The following ERC1 variants were observed in gnomAD, a reference collection of about 807,000 sequenced individuals.
ERC1 encodes ELKS/RAB6-interacting/CAST family member 1, also known as RAB6 interacting protein 2.
A neutral mutation model predicts 132.0 loss-of-function variants in ERC1; 56 were observed. The observed-to-expected ratio is 0.42, with a 90% CI of 0.34 to 0.53. ERC1 has a LOEUF of 0.53. ERC1 is among the 20% of genes least tolerant of loss of function. The pLI is 0.03. For synonymous variants in ERC1, 478 were observed against 476.1 expected (o/e 1.00, Z -0.05); for missense variants, 1,202 against 1,349.9 (o/e 0.89, Z 1.72).
At chr12:1,393,187 C>T (rs1364814770) in intron 16 of ERC1, among the ~76,000 whole-genome samples, 2 of 152,154 alleles carry the variant, frequency 1.3e-5, no homozygotes, top group Admixed American at 1.3e-4. Context: ...ATGTATGGAC[C>T]ATGATTTTGT....
intron 15 of ERC1, among the ~76,000 whole-genome samples, chr12:1,355,397 T>A (rs915883589): frequency 1.6e-4 from 25 of 152,180 alleles, no homozygotes; most frequent in African/African-American, 5.3e-4. Context: ...TGACCATGAG[T>A]GGCAGTAGCT....
intron 16 of ERC1, among the ~76,000 whole-genome samples, chr12:1,394,412 A>G (rs1220338445): frequency 6.6e-6 from 1 of 152,186 alleles, no homozygotes; most frequent in Non-Finnish European, 1.5e-5. Context: ...ACAAAAAAAG[A>G]AAAAAGAAAT....
chr12:1,101,785 G>GT (rs1944692666), intron 3 of ERC1, among the ~76,000 whole-genome samples: 1 of 152,184 alleles, frequency 6.6e-6, no homozygotes, highest in African/African-American at 2.4e-5. Context: ...AAAGGTAATA[G>GT]TTGAAACCAT....
chr12:1,175,402 C>T (rs955935040), intron 8 of ERC1, among the ~76,000 whole-genome samples: 6 of 151,590 alleles, frequency 4.0e-5, no homozygotes, highest in Admixed American at 6.6e-5. Context: ...TATTAATATT[C>T]TACATATTTT....
intron 15 of ERC1, among the ~76,000 whole-genome samples, chr12:1,370,655 C>A (rs1310603615): frequency 1.3e-5 from 2 of 152,172 alleles, no homozygotes; most frequent in African/African-American, 2.4e-5. Context: ...ACTATAGGAA[C>A]TCTTTTTAAA....
At chr12:1,258,644 TAAATCTTCA>T (rs767171823) in intron 13 of ERC1, among the ~76,000 whole-genome samples, 6 of 152,248 alleles carry the variant, frequency 3.9e-5, no homozygotes, top group Non-Finnish European at 8.8e-5. Context: ...TAGAGATTTT[TAAATCTTCA>T]GAATCTTCAG....
intron 18 of ERC1, among the ~76,000 whole-genome samples, chr12:1,451,529 G>C (rs1171195382): frequency 6.6e-6 from 1 of 152,164 alleles, no homozygotes; most frequent in Non-Finnish European, 1.5e-5. Context: ...GGAGGCCCAG[G>C]TGGGAGGATC....
At chr12:1,070,893 T>C (rs1940222110) in intron 2 of ERC1, among the ~76,000 whole-genome samples, 1 of 152,238 alleles carries the variant, frequency 6.6e-6, no homozygotes. Flanking sequence ...GGTAGTGTTC[T>C]GATTCCTTTC....
intron 12 of ERC1, among the ~76,000 whole-genome samples, chr12:1,202,127 C>T (rs1956968393): frequency 6.6e-6 from 1 of 152,118 alleles, no homozygotes; most frequent in South Asian, 2.1e-4. Flanking sequence ...CTTCTTCCTC[C>T]TTGATGAATA....
chr12:1,084,866 A>G (rs1942763203), intron 3 of ERC1, among the ~76,000 whole-genome samples: 1 of 151,884 alleles, frequency 6.6e-6, no homozygotes, highest in African/African-American at 2.4e-5. Flanking sequence ...TAATTTTTAA[A>G]TTAAAAAAAA....
intron 16 of ERC1, among the ~76,000 whole-genome samples, chr12:1,404,781 C>T (rs1004268783): frequency 3.3e-5 from 5 of 152,156 alleles, no homozygotes; most frequent in African/African-American, 1.2e-4. Flanking sequence ...CACCCTCTGA[C>T]CTAATCATCT....
chr12:1,175,600 C>G (rs1953617401), intron 8 of ERC1, among the ~76,000 whole-genome samples: 1 of 149,796 alleles, frequency 6.7e-6, no homozygotes, highest in African/African-American at 2.5e-5. Context: ...ATGGCGTGAT[C>G]TTGGTTCACT....
intron 18 of ERC1, among the ~76,000 whole-genome samples, chr12:1,483,805 T>G (rs1482115595): frequency 6.6e-6 from 1 of 150,628 alleles, no homozygotes; most frequent in Non-Finnish European, 1.5e-5. Context: ...TTCTTGTGCC[T>G]TAGCCTCCCG....
chr12:1,121,276 G>A (rs1947054162), intron 7 of ERC1, among the ~76,000 whole-genome samples: 1 of 152,186 alleles, frequency 6.6e-6, no homozygotes, highest in Admixed American at 6.5e-5. Flanking sequence ...AGAGAATATA[G>A]TGACATGCTG....
intron 16 of ERC1, among the ~76,000 whole-genome samples, chr12:1,396,106 A>G (rs1019362895): frequency 2.0e-5 from 3 of 152,228 alleles, no homozygotes; most frequent in Non-Finnish European, 4.4e-5. Flanking sequence ...TAGTGTAAGG[A>G]ACAGAAATTG....
intron 12 of ERC1, among the ~76,000 whole-genome samples, chr12:1,198,785 C>G (rs972116348): frequency 6.6e-5 from 10 of 151,658 alleles, no homozygotes; most frequent in African/African-American, 2.4e-4. Flanking sequence ...GAGAGAGAGC[C>G]AGCAAAGGGG....
intron 15 of ERC1, among the ~76,000 whole-genome samples, chr12:1,304,890 C>T (rs996310697): frequency 6.9e-5 from 10 of 144,054 alleles, no homozygotes; most frequent in South Asian, 4.5e-4. Flanking sequence ...CCCGGGTTGA[C>T]GCCATTCTCC....
At chr12:1,033,416 C>T (rs1479529117) in intron 2 of ERC1, among the ~76,000 whole-genome samples, 2 of 152,064 alleles carry the variant, frequency 1.3e-5, no homozygotes, top group African/African-American at 4.8e-5. Context: ...GGTAATCCAC[C>T]TGCCTTGGCC....
chr12:1,138,320 A>C (rs1949548647), intron 7 of ERC1, among the ~76,000 whole-genome samples: 1 of 139,296 alleles, frequency 7.2e-6, no homozygotes, highest in Non-Finnish European at 1.5e-5. Context: ...TATAATACAT[A>C]TGTTGTATAT....
Sources: allele counts gnomAD v4.1 joint callset (sites outside exome capture counted in the v4.1 genomes callset), GRCh38; gene constraint gnomAD v4.1.1; transcripts MANE v1.5; gene names NCBI Gene and HGNC (gene_info 2026-07-23, HGNC 2026-07-21).